ZNF207: variants seen among roughly 807,000 people sequenced by gnomAD.
ZNF207 encodes the protein BUB3-interacting and GLEBS motif-containing protein ZNF207.
Under a neutral mutation model 60.2 loss-of-function variants are expected in ZNF207, and 24 were observed. That is an observed-to-expected ratio of 0.40 (90% CI 0.29 to 0.56). The LOEUF is 0.56. Among genes scored for constraint, ZNF207 ranks in the 20% least tolerant of loss-of-function variants. ZNF207 has a pLI of 0.49. For missense variants in ZNF207, 452 were observed against 636.6 expected (o/e 0.71, Z 3.12); for synonymous variants, 236 against 194.7 (o/e 1.21, Z -1.77).
intron 2 of ZNF207, 35 bp downstream of exon 2, chr17:32,351,947 G>C (rs369259049): frequency 1.3e-6 from 2 of 1,486,800 alleles, no homozygotes; most frequent in Non-Finnish European, 1.8e-6. Flanking sequence ...TTGTCCGCTT[G>C]TGATTTGGAA....
rs140641814 is a variant in ZNF207, at chr17:32,362,966, A to G, written c.652A>G (p.Met218Val). The G allele has an allele frequency of 6.8e-6, 11 of 1,613,164 alleles. No individual in the cohort carries two copies. The highest frequency in any genetic ancestry group is 9.3e-6 in the Non-Finnish European group (11 of 1,179,936). The change falls in exon 7 of 12, where the codon ATG becomes GTG. Residue 218 changes from methionine to valine, a missense_variant. Coordinates refer to ENST00000394670, the MANE Select transcript of ZNF207 (RefSeq NM_001098507.2). ...MPPGPGIPPL[M>V]PGMPPGMPPP... Reference sequence around the variant, plus strand: ...ACCTGGACCAGGAATACCACCTCTGATGCCTGGAATGCCACCAGGTATATG... The same window carrying G: ...ACCTGGACCAGGAATACCACCTCTGGTGCCTGGAATGCCACCAGGTATATG...
In ZNF207 at chr17:32,360,774, T is replaced by A; in HGVS notation, c.475+9T>A. The stretch of plus-strand genomic sequence containing the variant: ...ACCAGGAATGCCTCCAGGTAGCACA[T>A]AGGATTGCTTAAAATCTAACATTTT... On this transcript the variant is annotated intron_variant, in intron 4 of 11. Transcript: ENST00000394670. 6.2e-7 allele frequency: 1 copy of A among 1,613,294 alleles called. No homozygotes were observed. The highest frequency in any genetic ancestry group is 1.7e-4 in the Middle Eastern group (1 of 6,058).
In ZNF207 at chr17:32,377,444, C is replaced by T. The variant is rs1397620415; in HGVS notation, c.*7685C>T. 1.3e-5 allele frequency: 2 copies of T among 151,904 alleles called. No individual in the cohort carries two copies. The highest frequency in any genetic ancestry group is 4.8e-5 in the African/African-American group (2 of 41,414). The allele number at this position is 151,904 out of a possible 1,614,324, so 9.4% of individuals were successfully genotyped here. ...CAGAGCATCTAGTTATTGAGCAAAG[C>T]CCCCTTTTACCTGTTCGCTTATTCA... On this transcript the variant is annotated 3_prime_UTR_variant, in exon 12 of 12. Coordinates refer to ENST00000394670, the MANE Select transcript of ZNF207 (RefSeq NM_001098507.2).
Position 32,360,592 on chromosome 17 carries a change from TAACAG to T in ZNF207, c.308-3_309del. The T allele has an allele frequency of 6.3e-7, 1 of 1,584,158 alleles. No homozygotes were observed. Among genetic ancestry groups the T allele is most frequent in the Non-Finnish European group, 8.5e-7 (1 of 1,171,102 alleles). ...CTCTATGGAAATAATTTTTTTTTTT[TAACAG>T]AAAGTCAAAAAAAGAAGCAACAAGA... On this transcript the variant is annotated splice_acceptor_variant and splice_polypyrimidine_tract_variant and intron_variant, in intron 3 of 11. Coordinates refer to ENST00000394670, the MANE Select transcript of ZNF207 (RefSeq NM_001098507.2). LOFTEE classifies it high-confidence loss of function.
chr17:32,358,476 T>C (rs571049707), intron 2 of ZNF207, 27 bp from the exon 3 acceptor site: 26 of 1,524,924 alleles, frequency 1.7e-5, no homozygotes, highest in Middle Eastern at 1.7e-4. Context: ...AAAAAGACTT[T>C]TATCTAATGG....
intron 3 of ZNF207, 22 bp downstream of exon 3, chr17:32,358,663 ATT>A: frequency 7.1e-7 from 1 of 1,401,948 alleles, no homozygotes; most frequent in Non-Finnish European, 9.3e-7. Flanking sequence ...GATAAGTTTT[ATT>A]TTATTTATTT....
At chr17:32,362,813 A>T in intron 6 of ZNF207, 101 bp from the exon 7 acceptor site, 1 of 847,104 alleles carries the variant, frequency 1.2e-6, no homozygotes, top group Non-Finnish European at 1.8e-6. Context: ...GGTCAGATTC[A>T]AGTCTTCTAT....
rs1259657539 is a variant in ZNF207, at chr17:32,381,872, T to C, written c.*12113T>C. 1.3e-5 allele frequency: 2 copies of C among 152,230 alleles called. No individual in the cohort carries two copies. Among genetic ancestry groups the C allele is most frequent in the Non-Finnish European group, 2.9e-5 (2 of 68,040 alleles). The allele number at this position is 152,230 out of a possible 1,614,324, so 9.4% of individuals were successfully genotyped here. ...TATCTACAAAGATGAATAAAATCTTTCATTTATTATTTATGATACTTGTCT... is the reference window on the plus strand; with the variant it reads ...TATCTACAAAGATGAATAAAATCTTCCATTTATTATTTATGATACTTGTCT... On this transcript the variant is annotated 3_prime_UTR_variant, in exon 12 of 12. Coordinates refer to ENST00000394670, the MANE Select transcript of ZNF207 (RefSeq NM_001098507.2).
rs769556208 is a variant in ZNF207 at position 32,378,667 on chromosome 17, G to C, written c.*8908G>C. 1 of 151,908 alleles carries C rather than the reference G, an allele frequency of 6.6e-6. No homozygotes were observed. Among genetic ancestry groups the C allele is most frequent in the Non-Finnish European group, 1.5e-5 (1 of 67,886 alleles). The allele number at this position is 151,908 out of a possible 1,614,324, so 9.4% of individuals were successfully genotyped here. ...TTTTGAGGGGCAGTGGGGACATAATGGGTTGTGGAAAATGTGTTTTAACAT... is the reference window on the plus strand; with the variant it reads ...TTTTGAGGGGCAGTGGGGACATAATCGGTTGTGGAAAATGTGTTTTAACAT... On this transcript the variant is annotated 3_prime_UTR_variant, in exon 12 of 12. Transcript: ENST00000394670.
intron 3 of ZNF207, 135 bp downstream of exon 3, chr17:32,358,776 G>T: frequency 1.5e-6 from 1 of 648,932 alleles, no homozygotes; most frequent in East Asian, 3.6e-5. Flanking sequence ...TTCTGCCTCC[G>T]GGGTTTAAGT....
At chr17:32,367,255 ATATATATATATATATATATATATATAT>A (rs775043061) in intron 9 of ZNF207, among the ~76,000 whole-genome samples, 3,637 of 70,914 alleles carry the variant, frequency 0.051, 270 homozygotes, top group Non-Finnish European at 0.08. Flanking sequence ...ATATATATAT[ATATATATATATATATATATATATATAT>A]ATAAAGAATA....
At position 32,370,195 on chromosome 17, in the gene ZNF207, A is replaced by G. The variant is rs1234319495; in HGVS notation, c.*436A>G. ...TTGGTGAGGGCTGTAACTGTTTCCA[A>G]GTACTTGTACATTGGAAGTCTGAAT... On this transcript the variant is annotated 3_prime_UTR_variant, in exon 12 of 12. Coordinates refer to ENST00000394670, the MANE Select transcript of ZNF207 (RefSeq NM_001098507.2). 2 of 153,510 alleles carry G rather than the reference A, an allele frequency of 1.3e-5. No individual in the cohort carries two copies. The highest frequency in any genetic ancestry group is 4.8e-5 in the African/African-American group (2 of 41,466). The allele number at this position is 153,510 out of a possible 1,614,324, so 9.5% of individuals were successfully genotyped here.
In ZNF207 at chr17:32,374,610, A is replaced by G. The variant is rs950246165; in HGVS notation, c.*4851A>G. The G allele has an allele frequency of 1.3e-5, 2 of 152,194 alleles. No homozygotes were observed. Among genetic ancestry groups the G allele is most frequent in the African/African-American group, 4.8e-5 (2 of 41,456 alleles). 9.4% of individuals were successfully genotyped at this position (152,194 alleles called of 1,614,324 possible). A position where few individuals can be genotyped will look rare whatever the true frequency, so the allele number is the denominator to read the frequency against. ...TAATTTTAAAATATTTTCAAGCCTC[A>G]CCACATTAGAGCAAATGTTAATGTA... On this transcript the variant is annotated 3_prime_UTR_variant, in exon 12 of 12. Transcript: ENST00000394670.
intron 10 of ZNF207, chr17:32,368,349 C>T (rs1472600491): frequency 3.8e-6 from 1 of 264,906 alleles, no homozygotes; most frequent in Non-Finnish European, 7.3e-6. Context: ...GAAGTAGAAT[C>T]TGCAGATCCC....
chr17:32,365,410 A>G lies in ZNF207; in HGVS notation c.751A>G (p.Arg251Gly), dbSNP rs770213960. Residue 251 changes from arginine (R) to glycine (G), a missense_variant, in exon 8 of 12, where the codon AGA (arginine) becomes GGA (glycine). Arg to Gly is a moderately radical substitution (Grantham distance 125). Transcript: ENST00000394670. The stretch of plus-strand genomic sequence containing the variant: ...TGTTTCAGCGCCAGGTATTCTTAAT[A>G]GACCACCTGCACCAACAGCAACTGT... ...QAVSAPGILN[R>G]PPAPTATVPA... 6.2e-7 allele frequency: 1 copy of G among 1,614,160 alleles called. No homozygotes were observed. The highest frequency in any genetic ancestry group is 8.5e-7 in the Non-Finnish European group (1 of 1,180,028).
At chr17:32,351,736 T>C (rs369997842) in intron 1 of ZNF207, 50 bp from the exon 2 acceptor site, 16 of 1,609,916 alleles carry the variant, frequency 9.9e-6, no homozygotes, top group African/African-American at 2.7e-5. Flanking sequence ...GTTTTTATTA[T>C]AGGCAGTGTC....
At chr17:32,350,941 TC>T (rs1194035256) in intron 1 of ZNF207, 1 of 152,024 alleles carries the variant, frequency 6.6e-6, no homozygotes, top group Non-Finnish European at 1.5e-5. Context: ...GGGCGGAGTT[TC>T]TGTTACCCAA....
intron 4 of ZNF207, 62 bp downstream of exon 4, chr17:32,360,827 T>C: frequency 6.2e-7 from 1 of 1,611,978 alleles, no homozygotes. Flanking sequence ...TGTATCGAAG[T>C]ATTACTTTCT....
intron 2 of ZNF207, among the ~76,000 whole-genome samples, chr17:32,353,918 A>G (rs1904341351): frequency 6.6e-6 from 1 of 152,192 alleles, no homozygotes; most frequent in Non-Finnish European, 1.5e-5. Flanking sequence ...TTAAAATGAT[A>G]TAAATATCTA....
Sources: gnomAD v4.1 joint callset for allele counts (sites outside exome capture counted in the v4.1 genomes callset) on GRCh38, gnomAD v4.1.1 for gene constraint, MANE v1.5 for transcripts, NCBI Gene and HGNC (gene_info 2026-07-23, HGNC 2026-07-21) for gene names.